CARD8: variants seen among roughly 807,000 people sequenced by gnomAD.
CARD8 encodes caspase recruitment domain family member 8.
CARD8 carries 38 observed loss-of-function variants against 53.2 expected under a neutral mutation model. The ratio of observed to expected loss-of-function variants is 0.71; its 90% CI spans 0.55 to 0.94. The LOEUF is 0.94. CARD8 is among the 40% of genes least tolerant of loss of function. The probability of loss-of-function intolerance (pLI) is 0.00; values close to 1 mark genes in which losing one functional copy is unlikely to be tolerated. For synonymous variants in CARD8, 245 were observed against 244.9 expected, an observed-to-expected ratio of 1.00 and a Z score of 0.00; for missense variants, 561 against 655.5, an observed-to-expected ratio of 0.86 and a Z score of 1.57.
At chr19:48,254,136 A>C (rs1279907394) in intron 1 of CARD8, among the ~76,000 whole-genome samples, 1 of 152,216 alleles carries the variant, frequency 6.6e-6, no homozygotes, top group Non-Finnish European at 1.5e-5. Flanking sequence ...CAGGTGAAGT[A>C]GTACATGCCT....
At chr19:48,222,960 G>T (rs535940992) in intron 10 of CARD8, among the ~76,000 whole-genome samples, 141 of 152,284 alleles carry the variant, frequency 9.3e-4, no homozygotes, top group African/African-American at 3.0e-3. Context: ...CTGCATATGT[G>T]AGTGTGTCAA....
At chr19:48,213,717 ATACTAATT>A (rs1450999058) in intron 13 of CARD8, among the ~76,000 whole-genome samples, 2 of 152,168 alleles carry the variant, frequency 1.3e-5, no homozygotes, top group African/African-American at 4.8e-5. Flanking sequence ...TCTCTGCTAT[ATACTAATT>A]CCAGTGTCCT....
intron 1 of CARD8, 120 bp from the exon 2 acceptor site, chr19:48,249,967 T>C (rs1341875990): frequency 6.6e-6 from 1 of 150,768 alleles, no homozygotes; most frequent in Non-Finnish European, 1.5e-5. Flanking sequence ...ATAGCTTAAA[T>C]TTATGACTTC....
chr19:48,244,187 A>C (rs1181002966), intron 3 of CARD8, among the ~76,000 whole-genome samples: 1 of 152,118 alleles, frequency 6.6e-6, no homozygotes, highest in Admixed American at 6.5e-5. Flanking sequence ...ATTACTGGGA[A>C]TATGTATCAA....
chr19:48,246,618 T>TA (rs3078196), intron 3 of CARD8, among the ~76,000 whole-genome samples: 14,160 of 150,544 alleles, frequency 0.094, 1,590 homozygotes, highest in African/African-American at 0.27. Flanking sequence ...AAATCAATAA[T>TA]AAAAAAAAAC....
At chr19:48,251,943 C>A (rs1025023241) in intron 1 of CARD8, among the ~76,000 whole-genome samples, 1 of 152,078 alleles carries the variant, frequency 6.6e-6, no homozygotes, top group African/African-American at 2.4e-5. Context: ...TGCTTGGTTG[C>A]TTTGTGTGCT....
intron 11 of CARD8, among the ~76,000 whole-genome samples, chr19:48,220,554 G>T (rs887847280): frequency 6.6e-6 from 1 of 152,144 alleles, no homozygotes; most frequent in Non-Finnish European, 1.5e-5. Flanking sequence ...TTGTTCTAGA[G>T]ATGGTATATT....
chr19:48,251,592 T>G (rs905673406), intron 1 of CARD8, among the ~76,000 whole-genome samples: 1 of 152,220 alleles, frequency 6.6e-6, no homozygotes, highest in Non-Finnish European at 1.5e-5. Flanking sequence ...AATAATTTAA[T>G]ATACATTTGG....
intron 10 of CARD8, among the ~76,000 whole-genome samples, chr19:48,222,691 C>CA (rs35257645): frequency 0.047 from 5,349 of 114,982 alleles, 306 homozygotes; most frequent in African/African-American, 0.14. Flanking sequence ...TCTGTCTCAC[C>CA]AAAAAAAAAA....
chr19:48,239,647 T>C (rs2044600625), intron 4 of CARD8, among the ~76,000 whole-genome samples: 2 of 152,040 alleles, frequency 1.3e-5, no homozygotes, highest in Admixed American at 1.3e-4. Context: ...AGCTAATTTT[T>C]ATATTTGTAG....
intron 3 of CARD8, among the ~76,000 whole-genome samples, chr19:48,241,273 T>C (rs1343447302): frequency 2.0e-5 from 3 of 152,132 alleles, no homozygotes; most frequent in Non-Finnish European, 4.4e-5. Flanking sequence ...TCCTTTTTTT[T>C]TAGATGGAGT....
At chr19:48,232,334 G>T in intron 7 of CARD8, 119 bp downstream of exon 7, 3 of 916,826 alleles carry the variant, frequency 3.3e-6, no homozygotes, top group South Asian at 2.8e-5. Flanking sequence ...CTGTGGCAAA[G>T]GTAAGGGAAA....
chr19:48,233,479 A>G (rs977200402), intron 6 of CARD8: 1 of 452,436 alleles, frequency 2.2e-6, no homozygotes, highest in Middle Eastern at 3.3e-4. Flanking sequence ...CCAAGCATGG[A>G]GAGACCCCTG....
downstream of CARD8, chr19:48,203,715 T>TAA (rs11416928): frequency 2.8e-4 from 44 of 157,454 alleles, no homozygotes; most frequent in African/African-American, 1.0e-3. Flanking sequence ...AGCTTTGAGT[T>TAA]AAAAAAAAAG....
chr19:48,223,431 A>G (rs2145843100), intron 10 of CARD8, among the ~76,000 whole-genome samples: 1 of 152,312 alleles, frequency 6.6e-6, no homozygotes, highest in East Asian at 1.9e-4. Flanking sequence ...TTGAGCAAAG[A>G]GATGAAACTA....
chr19:48,232,841 T>C, intron 6 of CARD8: 2 of 475,040 alleles, frequency 4.2e-6, no homozygotes, highest in East Asian at 1.3e-4. Context: ...TCCACATTTA[T>C]AAATAATAGA....
chr19:48,230,487 TC>T lies in CARD8; in HGVS notation c.985del (p.Asp329IlefsTer15). 6.2e-7 allele frequency: 1 copy of T among 1,613,784 alleles called. No homozygotes were observed. Among genetic ancestry groups the T allele is most frequent in the African/African-American group, 1.3e-5 (1 of 75,000 alleles). Reference protein sequence around the residue: ...TLIYYHPHPEDIKFHLYLVPS... With the variant: ...TLIYYHPHPEXIKFHLYLVPS... ...GACAAGGTACAAGTGGAACTTAATA[TC>T]TTCGGGGTGGGGGTGATAATAGATC... On this transcript the variant is annotated frameshift_variant, in exon 10 of 14. Coordinates refer to ENST00000651546, the MANE Select transcript of CARD8 (RefSeq NM_001184900.3). LOFTEE classifies it high-confidence loss of function.
intron 10 of CARD8, among the ~76,000 whole-genome samples, 177 bp from the exon 11 acceptor site, chr19:48,222,032 G>C (rs899006101): frequency 2.0e-5 from 3 of 152,214 alleles, no homozygotes; most frequent in African/African-American, 7.2e-5. Flanking sequence ...AGATATGAAT[G>C]AATATGTCTC....
In CARD8 at chr19:48,211,595, G is replaced by GATGTT. The variant is rs2037975648; in HGVS notation, c.*110_*114dup. ...GTCTGTCCTGAAAGCCTGTGTGATAGATGTTACCCAGTCTTCTTCTGTCTT... is the reference window on the plus strand; with the variant it reads ...GTCTGTCCTGAAAGCCTGTGTGATAGATGTTATGTTACCCAGTCTTCTTCTGTCTT... On this transcript the variant is annotated 3_prime_UTR_variant, in exon 14 of 14. Coordinates refer to ENST00000651546, the MANE Select transcript of CARD8 (RefSeq NM_001184900.3). 9.9e-7 allele frequency: 1 copy of GATGTT among 1,010,934 alleles called. No homozygotes were observed. The highest frequency in any genetic ancestry group is 2.3e-5 in the Admixed American group (1 of 44,338). 62.6% of individuals were successfully genotyped at this position (1,010,934 alleles called of 1,614,324 possible).
Sources: gnomAD v4.1 joint callset for allele counts (sites outside exome capture counted in the v4.1 genomes callset) on GRCh38, gnomAD v4.1.1 for gene constraint, MANE v1.5 for transcripts, NCBI Gene and HGNC (gene_info 2026-07-23, HGNC 2026-07-21) for gene names.